RBPJ: variants seen among roughly 807,000 people sequenced by gnomAD.
RBPJ encodes the protein recombination signal binding protein for immunoglobulin kappa J region, also known as recombining binding protein suppressor of hairless.
Under a neutral mutation model 67.8 loss-of-function variants are expected in RBPJ, and 9 were observed. That is an observed-to-expected ratio of 0.13 (90% CI 0.08 to 0.23). The LOEUF (loss-of-function observed/expected upper bound fraction) is 0.23. Among genes scored for constraint, RBPJ ranks in the 10% least tolerant of loss-of-function variants. The pLI is 1.00. For missense variants in RBPJ, 305 were observed against 595.6 expected (o/e 0.51, Z 5.08); for synonymous variants, 198 against 203.3 (o/e 0.97, Z 0.22).
At chr4:26,143,373 C>T in the RBPJ span, among the ~76,000 whole-genome samples, 2 of 152,204 alleles carry the variant, frequency 1.3e-5, no homozygotes, top group Non-Finnish European at 2.9e-5. Flanking sequence ...GCTCAAAACC[C>T]TCATCTCGCA....
At chr4:26,111,342 G>A in the RBPJ span, among the ~76,000 whole-genome samples, 2 of 152,142 alleles carry the variant, frequency 1.3e-5, no homozygotes, top group Non-Finnish European at 2.9e-5. Flanking sequence ...AAGGGAACAT[G>A]CTCCCTTCCC....
intron 1 of RBPJ, among the ~76,000 whole-genome samples, chr4:26,295,701 C>A (rs1356976485): frequency 6.6e-6 from 1 of 152,184 alleles, no homozygotes; most frequent in African/African-American, 2.4e-5. Context: ...GGCATCAGGA[C>A]ATCAAGCTCA....
intron 1 of RBPJ, among the ~76,000 whole-genome samples, chr4:26,190,994 A>G (rs962594157): frequency 6.6e-6 from 1 of 150,816 alleles, no homozygotes; most frequent in African/African-American, 2.4e-5. Flanking sequence ...AAAAGTCAAC[A>G]TAAAAACAAT....
At chr4:26,244,157 G>GTATA (rs369158366) in intron 1 of RBPJ, among the ~76,000 whole-genome samples, 1 of 146,962 alleles carries the variant, frequency 6.8e-6, no homozygotes, top group Non-Finnish European at 1.5e-5. Context: ...ACACATATAT[G>GTATA]TATATATATA....
At chr4:26,119,393 A>G in the RBPJ span, among the ~76,000 whole-genome samples, 1 of 152,206 alleles carries the variant, frequency 6.6e-6, no homozygotes, top group Non-Finnish European at 1.5e-5. Context: ...TGACTCTTCC[A>G]ATGCCAACCC....
intron 1 of RBPJ, among the ~76,000 whole-genome samples, chr4:26,210,088 A>G (rs1718331741): frequency 6.6e-6 from 1 of 152,088 alleles, no homozygotes; most frequent in Admixed American, 6.6e-5. Flanking sequence ...GTCTTCCAGG[A>G]AGTCTTTCTT....
At chr4:26,223,664 G>A (rs553996071) in intron 1 of RBPJ, among the ~76,000 whole-genome samples, 14 of 152,302 alleles carry the variant, frequency 9.2e-5, no homozygotes, top group African/African-American at 1.2e-4. Flanking sequence ...TCTCAGCTGA[G>A]GATTTAGGTT....
In RBPJ at chr4:26,351,203, G is replaced by A. The variant is rs564576135; in HGVS notation, c.20+30155G>A. On this transcript the variant is annotated intron_variant, in intron 1 of 10. Transcript: ENST00000355476. ...CCTGTGGATTTCAAAAGTATATGTG[G>A]AAACATTGTGTACATTAGTGCGTGA... Among the ~76,000 whole-genome samples the A allele has an allele frequency of 5.9e-5, 9 of 152,226 alleles. No homozygotes were observed. The South Asian group carries it at 1.9e-3, about 32-fold the overall frequency.
intron 1 of RBPJ, among the ~76,000 whole-genome samples, chr4:26,292,453 C>A (rs1721701874): frequency 6.7e-6 from 1 of 150,196 alleles, no homozygotes; most frequent in African/African-American, 2.5e-5. Flanking sequence ...TGGAGTCTAG[C>A]TCTGTTGCCC....
chr4:26,314,135 G>GTA (rs1047916491), intron 1 of RBPJ, among the ~76,000 whole-genome samples: 31 of 152,072 alleles, frequency 2.0e-4, no homozygotes, highest in African/African-American at 4.3e-4. Context: ...ACGCAAATAA[G>GTA]TATATATATA....
chr4:26,236,365 A>G (rs868578142), intron 1 of RBPJ, among the ~76,000 whole-genome samples: 1 of 152,190 alleles, frequency 6.6e-6, no homozygotes, highest in Non-Finnish European at 1.5e-5. Context: ...GCTTAAAACA[A>G]TAGTCATCCC....
At chr4:26,242,103 AG>A (rs2109219884) in intron 1 of RBPJ, among the ~76,000 whole-genome samples, 1 of 152,084 alleles carries the variant, frequency 6.6e-6, no homozygotes, top group African/African-American at 2.4e-5. Context: ...CAAATCATTA[AG>A]GTCCCTACAC....
At chr4:26,217,310 T>C (rs1718753572) in intron 1 of RBPJ, among the ~76,000 whole-genome samples, 1 of 152,194 alleles carries the variant, frequency 6.6e-6, no homozygotes. Context: ...AAGCTTATAC[T>C]GATGGGTGCT....
intron 2 of RBPJ, among the ~76,000 whole-genome samples, chr4:26,403,444 A>G (rs1733061242): frequency 6.6e-6 from 1 of 152,078 alleles, no homozygotes; most frequent in Non-Finnish European, 1.5e-5. Context: ...ACATAGGTAA[A>G]CTCATGCCAT....
the RBPJ span, among the ~76,000 whole-genome samples, chr4:26,119,877 T>C: frequency 6.6e-6 from 1 of 152,242 alleles, no homozygotes. Flanking sequence ...TCATAGCTTA[T>C]AGATAAAATA....
At chr4:26,401,407 A>G (rs1400983096) in intron 2 of RBPJ, among the ~76,000 whole-genome samples, 1 of 152,238 alleles carries the variant, frequency 6.6e-6, no homozygotes, top group Non-Finnish European at 1.5e-5. Flanking sequence ...AGTTTCTAAA[A>G]TGTACATAAT....
chr4:26,210,686 C>CTTTCTTTCTCT (rs56289492), intron 1 of RBPJ, among the ~76,000 whole-genome samples: 1 of 65,396 alleles, frequency 1.5e-5, no homozygotes, highest in Admixed American at 1.6e-4. Context: ...TTCTTTCTTT[C>CTTTCTTTCTCT]CTTTCTTTCT....
chr4:26,300,722 T>A (rs918339477), intron 1 of RBPJ, among the ~76,000 whole-genome samples: 3 of 152,226 alleles, frequency 2.0e-5, no homozygotes, highest in African/African-American at 7.2e-5. Context: ...GCAAGTCCCC[T>A]AAGGGCCTTG....
At chr4:26,221,259 T>A (rs1272712072) in intron 1 of RBPJ, among the ~76,000 whole-genome samples, 1 of 151,964 alleles carries the variant, frequency 6.6e-6, no homozygotes, top group Non-Finnish European at 1.5e-5. Flanking sequence ...CCCGGCTAAT[T>A]TTTTGTATTT....
Sources: allele counts gnomAD v4.1 joint callset (sites outside exome capture counted in the v4.1 genomes callset), GRCh38; gene constraint gnomAD v4.1.1; transcripts MANE v1.5; gene names NCBI Gene and HGNC (gene_info 2026-07-23, HGNC 2026-07-21).